Variants in CLASP1 observed in about 807,000 individuals in gnomAD.
CLASP1 encodes cytoplasmic linker associated protein 1.
CLASP1 carries 38 observed loss-of-function variants against 192.3 expected under a neutral mutation model. The observed-to-expected ratio is 0.20, with a 90% confidence interval of 0.15 to 0.26. The LOEUF is 0.26. Ranked by LOEUF, CLASP1 falls within the 10% of genes least tolerant of loss-of-function variation. CLASP1 has a pLI of 1.00. For missense variants in CLASP1, 1,433 were observed against 1,932.5 expected (o/e 0.74, Z 4.85); for synonymous variants, 691 against 712.8 (o/e 0.97, Z 0.49).
intron 32 of CLASP1, among the ~76,000 whole-genome samples, chr2:121,384,167 TATACAC>T (rs1307277599): frequency 7.0e-6 from 1 of 141,976 alleles, no homozygotes; most frequent in Non-Finnish European, 1.5e-5. Context: ...CATATATATA[TATACAC>T]ACACACACAC....
intron 5 of CLASP1, among the ~76,000 whole-genome samples, chr2:121,526,642 A>C (rs1417512194): frequency 2.6e-5 from 4 of 152,194 alleles, no homozygotes; most frequent in Non-Finnish European, 4.4e-5. Context: ...GATGGAAAAA[A>C]TTTACAAGTA....
intron 9 of CLASP1, among the ~76,000 whole-genome samples, chr2:121,467,711 A>C (rs1312187044): frequency 6.6e-6 from 1 of 152,034 alleles, no homozygotes. Context: ...TGTCAGACGG[A>C]TAGATTGCAA....
At chr2:121,366,658 G>A (rs1050154653) in intron 35 of CLASP1, among the ~76,000 whole-genome samples, 6 of 152,214 alleles carry the variant, frequency 3.9e-5, no homozygotes, top group Non-Finnish European at 5.9e-5. Context: ...TACACTTCAT[G>A]ACACACGGTA....
chr2:121,365,798 G>A (rs1350194481), intron 35 of CLASP1, among the ~76,000 whole-genome samples: 3 of 152,120 alleles, frequency 2.0e-5, no homozygotes, highest in African/African-American at 7.2e-5. Flanking sequence ...GAACCAGCAT[G>A]GTGAACAAAT....
intron 7 of CLASP1, among the ~76,000 whole-genome samples, chr2:121,510,088 T>C (rs2094077639): frequency 6.6e-6 from 1 of 152,192 alleles, no homozygotes; most frequent in African/African-American, 2.4e-5. Context: ...AAGCAGTACT[T>C]AGAAATTCAT....
chr2:121,563,102 C>T (rs781331563), intron 2 of CLASP1, among the ~76,000 whole-genome samples: 2 of 152,138 alleles, frequency 1.3e-5, no homozygotes, highest in Non-Finnish European at 2.9e-5. Flanking sequence ...CCTTTCAAAT[C>T]AAGTACAAGG....
chr2:121,610,147 G>C (rs528160298), intron 1 of CLASP1, among the ~76,000 whole-genome samples: 478 of 152,258 alleles, frequency 3.1e-3, no homozygotes, highest in Non-Finnish European at 5.4e-3. Context: ...GAAAATAAGA[G>C]GGAAAAAGGA....
chr2:121,444,975 T>C (rs753699080), intron 19 of CLASP1: 7 of 1,354,116 alleles, frequency 5.2e-6, no homozygotes, highest in Non-Finnish European at 6.9e-6. Flanking sequence ...TTAAGCAAAT[T>C]AAAAAACAAG....
chr2:121,588,254 T>G (rs180838605), intron 2 of CLASP1, among the ~76,000 whole-genome samples: 2 of 152,072 alleles, frequency 1.3e-5, no homozygotes, highest in East Asian at 3.9e-4. Context: ...AGTGATGGTT[T>G]TAAATAAGAC....
intron 9 of CLASP1, among the ~76,000 whole-genome samples, chr2:121,468,081 C>T (rs940328277): frequency 2.6e-5 from 4 of 152,074 alleles, no homozygotes; most frequent in African/African-American, 9.7e-5. Context: ...TCAGGTTTGT[C>T]GAAGATCAGA....
exon 7 of CLASP1, chr2:121,515,754 A>C (rs767475220): frequency 1.2e-6 from 2 of 1,613,722 alleles, no homozygotes; most frequent in Admixed American, 1.7e-5. Flanking sequence ...TTATTGCTGC[A>C]TCTCGAACCT....
At chr2:121,592,009 GA>G (rs2105757332) in intron 2 of CLASP1, among the ~76,000 whole-genome samples, 1 of 151,290 alleles carries the variant, frequency 6.6e-6, no homozygotes, top group South Asian at 2.1e-4. Flanking sequence ...CCTTGTCACA[GA>G]CTCTCCCTCT....
intron 20 of CLASP1, among the ~76,000 whole-genome samples, chr2:121,428,007 T>C (rs2080742406): frequency 6.6e-6 from 1 of 152,240 alleles, no homozygotes. Flanking sequence ...ATTTAATTTA[T>C]ATGCATAAGC....
intron 4 of CLASP1, among the ~76,000 whole-genome samples, chr2:121,528,132 C>T (rs538122567): frequency 1.5e-4 from 23 of 152,296 alleles, no homozygotes; most frequent in African/African-American, 5.3e-4. Context: ...CCCAAGAACC[C>T]TGAAAGAGAG....
chr2:121,557,199 G>C (rs920280271), intron 2 of CLASP1, among the ~76,000 whole-genome samples: 1 of 152,108 alleles, frequency 6.6e-6, no homozygotes, highest in Non-Finnish European at 1.5e-5. Context: ...CTCTTTCCTG[G>C]TTATCAGTTC....
intron 8 of CLASP1, among the ~76,000 whole-genome samples, chr2:121,497,889 C>T (rs970872319): frequency 1.3e-5 from 2 of 152,098 alleles, no homozygotes; most frequent in Admixed American, 1.3e-4. Context: ...CCGGGCCCAG[C>T]TAATTTTTTG....
intron 14 of CLASP1, among the ~76,000 whole-genome samples, chr2:121,452,708 T>C (rs2085747407): frequency 6.6e-6 from 1 of 152,020 alleles, no homozygotes; most frequent in Non-Finnish European, 1.5e-5. Context: ...GAAGAATCAC[T>C]TGAACCCGGG....
intron 19 of CLASP1, among the ~76,000 whole-genome samples, 165 bp downstream of exon 19, chr2:121,447,172 G>C (rs563339720): frequency 6.6e-6 from 1 of 152,266 alleles, no homozygotes; most frequent in East Asian, 1.9e-4. Context: ...ACTCAACAAG[G>C]GTGGCTGGCT....
At chr2:121,555,988 CTTTTTTTTT>C (rs34423741) in intron 2 of CLASP1, among the ~76,000 whole-genome samples, 51 of 42,382 alleles carry the variant, frequency 1.2e-3, no homozygotes, top group East Asian at 1.9e-3. Context: ...CTACCCACCG[CTTTTTTTTT>C]TTTTTTTTTT....
Sources: gnomAD v4.1 joint callset for allele counts (sites outside exome capture counted in the v4.1 genomes callset) on GRCh38, gnomAD v4.1.1 for gene constraint, MANE v1.5 for transcripts, NCBI Gene and HGNC (gene_info 2026-07-23, HGNC 2026-07-21) for gene names.